GALNT14: variants seen among roughly 807,000 people sequenced by gnomAD.
GALNT14 encodes UDP-GalNAc:polypeptide N-acetylgalactosaminyltransferase 14.
A neutral mutation model predicts 77.5 loss-of-function variants in GALNT14; 60 were observed. The observed-to-expected ratio is 0.77, with a 90% CI of 0.63 to 0.96. GALNT14 has a LOEUF of 0.96. GALNT14 is among the 40% of genes least tolerant of loss of function. GALNT14 has a pLI of 0.00. For synonymous variants in GALNT14, 280 were observed against 281.7 expected (o/e 0.99, Z 0.06); for missense variants, 710 against 731.0 (o/e 0.97, Z 0.33).
chr2:30,929,451 T>C lies in GALNT14; in HGVS notation c.1095A>G (p.Glu365=). 1 of 1,614,214 alleles carries C rather than the reference T, an allele frequency of 6.2e-7. No homozygotes were observed. The highest frequency in any genetic ancestry group is 8.5e-7 in the Non-Finnish European group (1 of 1,180,014). Reference sequence around the variant, plus strand: ...GGGCAGCGTAATAGTATTGCTTGTATTCATCCATCCACACTTCAGCTGTCC... The same window carrying C: ...GGGCAGCGTAATAGTATTGCTTGTACTCATCCATCCACACTTCAGCTGTCC... The part of the protein sequence containing the change: ...TKRTAEVWMD[E]YKQYYYAARP... Residue 365 remains glutamate (E), a synonymous_variant, in exon 11 of 15, where the codon GAA becomes GAG. Coordinates refer to ENST00000349752, the MANE Select transcript of GALNT14 (RefSeq NM_024572.4).
intron 1 of GALNT14, among the ~76,000 whole-genome samples, chr2:31,032,945 A>G (rs1182639093): frequency 6.6e-6 from 1 of 152,170 alleles, no homozygotes; most frequent in Admixed American, 6.5e-5. Flanking sequence ...CAGCTCCCAG[A>G]GCAGCCCTGA....
intron 1 of GALNT14, among the ~76,000 whole-genome samples, chr2:30,996,647 GC>G (rs1670055468): frequency 6.6e-6 from 1 of 152,254 alleles, no homozygotes; most frequent in South Asian, 2.1e-4. Flanking sequence ...GAACATCCCA[GC>G]ATCCCTGGCT....
intron 13 of GALNT14, among the ~76,000 whole-genome samples, chr2:30,917,033 T>C (rs923355286): frequency 7.7e-6 from 1 of 129,076 alleles, no homozygotes; most frequent in Non-Finnish European, 1.5e-5. Context: ...GCTGAGATCA[T>C]GCCATTGCAC....
chr2:30,931,308 G>A (rs894485890), intron 10 of GALNT14, among the ~76,000 whole-genome samples: 1 of 152,200 alleles, frequency 6.6e-6, no homozygotes, highest in Non-Finnish European at 1.5e-5. Flanking sequence ...AAGTGGAGGA[G>A]AAGCTATCAG....
chr2:31,047,860 C>T (rs1673571033), intron 1 of GALNT14, among the ~76,000 whole-genome samples: 1 of 152,166 alleles, frequency 6.6e-6, no homozygotes, highest in Non-Finnish European at 1.5e-5. Flanking sequence ...TCTTCCCAGC[C>T]ACAACCACAA....
intron 2 of GALNT14, among the ~76,000 whole-genome samples, chr2:30,976,542 C>T (rs1262340808): frequency 6.6e-6 from 1 of 152,068 alleles, no homozygotes; most frequent in Non-Finnish European, 1.5e-5. Context: ...TCTCTAGGGA[C>T]ACTGGCAGGA....
chr2:31,052,404 C>G (rs926099312), intron 1 of GALNT14, among the ~76,000 whole-genome samples: 3 of 152,214 alleles, frequency 2.0e-5, no homozygotes, highest in African/African-American at 7.2e-5. Context: ...AGGGCATACC[C>G]TAGAGGTCAA....
At chr2:31,093,531 T>C (rs1362125688) in intron 1 of GALNT14, among the ~76,000 whole-genome samples, 2 of 152,178 alleles carry the variant, frequency 1.3e-5, no homozygotes, top group African/African-American at 2.4e-5. Context: ...AGAGGCAGTG[T>C]CTGGGGAGCC....
intron 1 of GALNT14, among the ~76,000 whole-genome samples, chr2:31,137,058 CT>C (rs1188116053): frequency 1.3e-5 from 2 of 152,210 alleles, no homozygotes; most frequent in Admixed American, 1.3e-4. Context: ...CAGAGGCCTC[CT>C]TCCGTGTCCC....
rs145858460 is a variant in GALNT14, at chr2:30,975,113, G to C, written c.300-8811C>G. On this transcript the variant is annotated intron_variant, in intron 2 of 14. Transcript: ENST00000349752. ...GTATGGAGCCATGAGTTGGGGAGGG[G>C]GCTGGCGATAAGAAGCCTTGGGCTA... Among the ~76,000 whole-genome samples, 758 of 152,314 alleles carry C rather than the reference G, an allele frequency of 5.0e-3. 16 individuals are homozygous for C. Among genetic ancestry groups the C allele is most frequent in the South Asian group, 0.045 (217 of 4,830 alleles).
chr2:31,033,683 T>G (rs983574940), intron 1 of GALNT14, among the ~76,000 whole-genome samples: 1 of 152,090 alleles, frequency 6.6e-6, no homozygotes, highest in Non-Finnish European at 1.5e-5. Context: ...CCTAACCGTT[T>G]TGACTTCTCC....
At chr2:31,063,842 T>C (rs1674762851) in intron 1 of GALNT14, among the ~76,000 whole-genome samples, 1 of 152,210 alleles carries the variant, frequency 6.6e-6, no homozygotes, top group Non-Finnish European at 1.5e-5. Context: ...AGTTCACTCA[T>C]GATTTGGCTC....
intron 1 of GALNT14, among the ~76,000 whole-genome samples, chr2:31,050,774 G>GT (rs58435113): frequency 5.5e-4 from 60 of 108,192 alleles, no homozygotes; most frequent in Middle Eastern, 4.5e-3. Context: ...AAAGTTTTTT[G>GT]TTTTTTTTTT....
At chr2:30,945,919 G>A in intron 6 of GALNT14, 49 bp from the exon 7 acceptor site, 1 of 1,527,720 alleles carries the variant, frequency 6.5e-7, no homozygotes, top group Non-Finnish European at 9.1e-7. Flanking sequence ...AGCCCAGCTG[G>A]GAGTCAGGGA....
At chr2:30,980,139 A>G (rs973022254) in intron 2 of GALNT14, among the ~76,000 whole-genome samples, 23 of 152,198 alleles carry the variant, frequency 1.5e-4, no homozygotes, top group African/African-American at 5.3e-4. Flanking sequence ...CACCCAGCCC[A>G]CCTTGTTCTC....
intron 1 of GALNT14, among the ~76,000 whole-genome samples, chr2:31,065,579 G>A (rs1266726108): frequency 6.6e-6 from 1 of 152,210 alleles, no homozygotes; most frequent in Admixed American, 6.5e-5. Flanking sequence ...GAGGCCAGGA[G>A]GAGGGCCTTG....
At chr2:30,917,952 G>A (rs933888727) in intron 13 of GALNT14, among the ~76,000 whole-genome samples, 3 of 152,192 alleles carry the variant, frequency 2.0e-5, no homozygotes, top group East Asian at 1.9e-4. Flanking sequence ...AACTGCCCTC[G>A]TGATGCCTCT....
At chr2:31,121,537 C>G (rs928727942) in intron 1 of GALNT14, among the ~76,000 whole-genome samples, 2 of 152,152 alleles carry the variant, frequency 1.3e-5, no homozygotes, top group African/African-American at 2.4e-5. Flanking sequence ...GGTTTTAGAA[C>G]AAAAATAAGC....
At chr2:30,995,443 T>A (rs1669969412) in intron 1 of GALNT14, among the ~76,000 whole-genome samples, 1 of 152,184 alleles carries the variant, frequency 6.6e-6, no homozygotes, top group Non-Finnish European at 1.5e-5. Flanking sequence ...CTCTACCATC[T>A]AGGTTTGTGT....
Sources: allele counts gnomAD v4.1 joint callset (sites outside exome capture counted in the v4.1 genomes callset), GRCh38; gene constraint gnomAD v4.1.1; transcripts MANE v1.5; gene names NCBI Gene and HGNC (gene_info 2026-07-23, HGNC 2026-07-21).